POU6F2: variants seen among roughly 807,000 people sequenced by gnomAD.
POU6F2 encodes the protein POU class 6 homeobox 2.
A neutral mutation model predicts 71.3 loss-of-function variants in POU6F2; 31 were observed. The ratio of observed to expected loss-of-function variants is 0.43; its 90% confidence interval spans 0.33 to 0.59. The LOEUF (loss-of-function observed/expected upper bound fraction) is 0.59. Among genes scored for constraint, POU6F2 ranks in the 20% least tolerant of loss-of-function variants. The probability of loss-of-function intolerance (pLI) is 0.04; values close to 1 mark genes in which losing one functional copy is unlikely to be tolerated. For synonymous variants in POU6F2, 347 were observed against 355.7 expected (o/e 0.98, Z 0.27); for missense variants, 783 against 856.8 (o/e 0.91, Z 1.07).
intron 4 of POU6F2, among the ~76,000 whole-genome samples, chr7:39,219,254 G>T (rs954968383): frequency 6.6e-6 from 1 of 152,172 alleles, no homozygotes. Context: ...CTAAGGATTT[G>T]CCAGGTTTCC....
intron 2 of POU6F2, among the ~76,000 whole-genome samples, chr7:39,118,175 T>C (rs975824192): frequency 6.6e-6 from 1 of 152,102 alleles, no homozygotes; most frequent in Non-Finnish European, 1.5e-5. Flanking sequence ...CATTGAGTGT[T>C]CTCCAGCAAA....
In POU6F2 at chr7:39,151,720, G is replaced by T. The variant is rs376172578; in HGVS notation, c.278-52515G>T. 9.3e-4 allele frequency among the ~76,000 whole-genome samples: 141 copies of T among 152,202 alleles called. 1 individual carries two copies. Among genetic ancestry groups the T allele is most frequent in the African/African-American group, 3.3e-3 (136 of 41,514 alleles). The stretch of plus-strand genomic sequence containing the variant: ...TTAGATTCATTAATTTCCTTAAAAT[G>T]CCATGTCAGGGCAATGATGCCCCTT... On this transcript the variant is annotated intron_variant, in intron 2 of 9. Coordinates refer to ENST00000518318, the MANE Select transcript of POU6F2 (RefSeq NM_001370959.1).
intron 2 of POU6F2, among the ~76,000 whole-genome samples, chr7:39,100,654 AAGT>A (rs1791550668): frequency 6.6e-6 from 1 of 152,224 alleles, no homozygotes; most frequent in African/African-American, 2.4e-5. Flanking sequence ...TGTTAATGTT[AAGT>A]AGAAGAGACA....
chr7:39,130,059 T>C (rs1291288552), intron 2 of POU6F2, among the ~76,000 whole-genome samples: 2 of 102,674 alleles, frequency 1.9e-5, no homozygotes, highest in African/African-American at 4.1e-5. Flanking sequence ...AGAGCGAGAC[T>C]CCATCTCAAA....
At chr7:39,024,617 A>T (rs990640736) in intron 1 of POU6F2, among the ~76,000 whole-genome samples, 2 of 152,142 alleles carry the variant, frequency 1.3e-5, no homozygotes, top group Admixed American at 1.3e-4. Context: ...GTTTTTGCCC[A>T]TTCAGTATGA....
intron 2 of POU6F2, among the ~76,000 whole-genome samples, chr7:39,095,121 T>C (rs1791429885): frequency 6.6e-6 from 1 of 152,196 alleles, no homozygotes; most frequent in African/African-American, 2.4e-5. Context: ...ACAAGGATCC[T>C]CTCAGTTATG....
chr7:39,089,957 T>C (rs1227959732), intron 2 of POU6F2, among the ~76,000 whole-genome samples: 4 of 136,542 alleles, frequency 2.9e-5, no homozygotes, highest in African/African-American at 1.1e-4. Context: ...GGTGGCCGGC[T>C]TCTCAGTTGT....
Position 39,258,217 on chromosome 7 carries a change from A to T in POU6F2, c.598+50597A>T, listed in dbSNP as rs574742202. 5.9e-5 allele frequency among the ~76,000 whole-genome samples: 9 copies of T among 152,260 alleles called. 1 individual carries two copies. The East Asian group carries it at 1.7e-3, about 29-fold the overall frequency. ...ACAGAAACAGTAGTTACATATTTTTATTTTTTTATTGATTTGTCTCCCAAT... is the reference window on the plus strand; with the variant it reads ...ACAGAAACAGTAGTTACATATTTTTTTTTTTTTATTGATTTGTCTCCCAAT... On this transcript the variant is annotated intron_variant, in intron 4 of 9. Transcript: ENST00000518318.
chr7:39,290,000 G>A (rs542592398), intron 4 of POU6F2, among the ~76,000 whole-genome samples: 2 of 152,100 alleles, frequency 1.3e-5, no homozygotes, highest in South Asian at 4.2e-4. Context: ...ATAAGACTCA[G>A]GATGACAAAA....
chr7:39,302,009 C>T (rs1784956641), intron 4 of POU6F2, among the ~76,000 whole-genome samples: 2 of 152,062 alleles, frequency 1.3e-5, no homozygotes, highest in South Asian at 4.2e-4. Flanking sequence ...CAGCTCTGTG[C>T]CATTGCCCCC....
chr7:39,132,324 G>A (rs891569674), intron 2 of POU6F2: 3 of 152,006 alleles, frequency 2.0e-5, no homozygotes, highest in African/African-American at 4.8e-5. Context: ...TTTTTTTTCA[G>A]TTGCTTAGTT....
At chr7:39,451,498 T>C (rs748272343) in intron 7 of POU6F2, 35 bp from the exon 8 acceptor site, 6 of 1,566,262 alleles carry the variant, frequency 3.8e-6, no homozygotes, top group Non-Finnish European at 5.2e-6. Context: ...AATTTTTCAT[T>C]CATTTGTGTA....
At chr7:39,423,199 A>AGAAAAGAAC (rs1562546506) in intron 6 of POU6F2, among the ~76,000 whole-genome samples, 2 of 152,184 alleles carry the variant, frequency 1.3e-5, no homozygotes, top group Non-Finnish European at 2.9e-5. Flanking sequence ...AAAAGAGCCT[A>AGAAAAGAAC]TTGAACTCTT....
chr7:39,006,536 C>A (rs898835249), intron 1 of POU6F2, among the ~76,000 whole-genome samples: 1 of 152,106 alleles, frequency 6.6e-6, no homozygotes, highest in African/African-American at 2.4e-5. Context: ...CAAGCCACAC[C>A]TTCAAAATTA....
chr7:39,059,722 G>A (rs1178926421), intron 1 of POU6F2, among the ~76,000 whole-genome samples: 1 of 152,078 alleles, frequency 6.6e-6, no homozygotes, highest in African/African-American at 2.4e-5. Context: ...ATAAAAACTT[G>A]TATATAAATC....
intron 1 of POU6F2, among the ~76,000 whole-genome samples, chr7:39,065,368 C>T (rs1790735044): frequency 6.6e-6 from 1 of 151,594 alleles, no homozygotes; most frequent in South Asian, 2.1e-4. Context: ...TGATAATTCA[C>T]AAGATAGAAC....
chr7:39,058,665 T>C (rs1278488442), intron 1 of POU6F2, among the ~76,000 whole-genome samples: 1 of 152,184 alleles, frequency 6.6e-6, no homozygotes, highest in East Asian at 1.9e-4. Context: ...GTAGTAAATT[T>C]AGATGATTCT....
At chr7:39,331,150 G>A (rs983209535) in intron 4 of POU6F2, among the ~76,000 whole-genome samples, 8 of 152,208 alleles carry the variant, frequency 5.3e-5, no homozygotes, top group African/African-American at 1.9e-4. Context: ...TTATGGATAT[G>A]TACCACATTT....
intron 1 of POU6F2, among the ~76,000 whole-genome samples, chr7:39,053,290 T>G (rs983912093): frequency 6.6e-6 from 1 of 152,150 alleles, no homozygotes; most frequent in Non-Finnish European, 1.5e-5. Flanking sequence ...AAAGTTACAG[T>G]GTATTCACTG....
Sources: gnomAD v4.1 joint callset for allele counts (sites outside exome capture counted in the v4.1 genomes callset) on GRCh38, gnomAD v4.1.1 for gene constraint, MANE v1.5 for transcripts, NCBI Gene and HGNC (gene_info 2026-07-23, HGNC 2026-07-21) for gene names.